The following ELAVL2 variants were observed in gnomAD, a reference collection of about 807,000 sequenced individuals.
ELAVL2 encodes the protein ELAV-like protein 2.
Under a neutral mutation model 34.6 loss-of-function variants are expected in ELAVL2, and 4 were observed. The ratio of observed to expected loss-of-function variants is 0.12; its 90% CI spans 0.06 to 0.26. The LOEUF (loss-of-function observed/expected upper bound fraction) is 0.26, where lower values mean the gene tolerates loss of function less well. ELAVL2 is among the 10% of genes least tolerant of loss of function. The pLI is 1.00. For synonymous variants in ELAVL2, 193 were observed against 154.8 expected (o/e 1.25, Z -1.83); for missense variants, 432 against 442.8 (o/e 0.98, Z 0.22).
At chr9:23,820,254 T>C (rs142330338) in intron 1 of ELAVL2, among the ~76,000 whole-genome samples, 53 of 152,358 alleles carry the variant, frequency 3.5e-4, no homozygotes, top group African/African-American at 1.2e-3. Flanking sequence ...TGGTTTTAAA[T>C]GGACTGATTC....
chr9:23,810,351 C>G (rs1374938333), intron 1 of ELAVL2, among the ~76,000 whole-genome samples: 1 of 151,974 alleles, frequency 6.6e-6, no homozygotes, highest in Non-Finnish European at 1.5e-5. Context: ...CCCTGAGGAA[C>G]AAGTTGTGGG....
At chr9:23,781,943 CA>C (rs952998032) in intron 1 of ELAVL2, among the ~76,000 whole-genome samples, 1 of 152,054 alleles carries the variant, frequency 6.6e-6, no homozygotes, top group Non-Finnish European at 1.5e-5. Context: ...CTCGGCCTCC[CA>C]AAGTGCTGGG....
At chr9:23,715,847 T>G (rs970322784) in intron 3 of ELAVL2, among the ~76,000 whole-genome samples, 48 of 152,096 alleles carry the variant, frequency 3.2e-4, no homozygotes, top group African/African-American at 1.2e-3. Flanking sequence ...TGCAGGTGTC[T>G]TAGAATAAAA....
At chr9:23,802,996 A>G (rs2137721737) in intron 1 of ELAVL2, among the ~76,000 whole-genome samples, 1 of 152,304 alleles carries the variant, frequency 6.6e-6, no homozygotes, top group East Asian at 1.9e-4. Context: ...CAATAATTTA[A>G]GTGTACAAAG....
At chr9:23,705,169 C>G in intron 3 of ELAVL2, 98 bp from the exon 4 acceptor site, 1 of 1,387,836 alleles carries the variant, frequency 7.2e-7, no homozygotes, top group Admixed American at 2.2e-5. Context: ...CCATGAACAG[C>G]ATAGAACACT....
At position 23,802,340 on chromosome 9, in the gene ELAVL2, C is replaced by T. The variant is rs141430184; in HGVS notation, c.-16+23466G>A. Among the ~76,000 whole-genome samples the T allele has an allele frequency of 6.0e-3, 918 of 152,286 alleles. 9 individuals carry two copies. Among genetic ancestry groups the T allele is most frequent in the Admixed American group, 0.036 (553 of 15,284 alleles). On this transcript the variant is annotated intron_variant, in intron 1 of 6. Transcript: ENST00000397312. ...ACTTCCAAACGCTAGCCCACAGCCT[C>T]AATTTTTAGACAGAGAAAGCAAGCC...
At chr9:23,719,946 C>T (rs2043243668) in intron 3 of ELAVL2, among the ~76,000 whole-genome samples, 2 of 151,786 alleles carry the variant, frequency 1.3e-5, no homozygotes, top group South Asian at 4.2e-4. Flanking sequence ...CTGCCTCAGC[C>T]TCCCCAGTAG....
chr9:23,716,791 G>A (rs988245273), intron 3 of ELAVL2, among the ~76,000 whole-genome samples: 6 of 152,196 alleles, frequency 3.9e-5, no homozygotes, highest in African/African-American at 1.2e-4. Context: ...AGAGGGCCAT[G>A]TAGGCAGAGA....
chr9:23,820,927 G>A (rs2064539425), intron 1 of ELAVL2, among the ~76,000 whole-genome samples: 2 of 152,146 alleles, frequency 1.3e-5, no homozygotes, highest in South Asian at 2.1e-4. Context: ...GGCTGCGACG[G>A]GCCTCACCTA....
At position 23,749,247 on chromosome 9, in the gene ELAVL2, C is replaced by T. The variant is rs117701580; in HGVS notation, c.229+12759G>A. ...TAATTCTGGGTGGTCATCTAACATA[C>T]TATCATTAATGCACAATCCAGGATT... On this transcript the variant is annotated intron_variant, in intron 2 of 6. Coordinates refer to ENST00000397312, the MANE Select transcript of ELAVL2 (RefSeq NM_004432.5). 4.7e-3 allele frequency among the ~76,000 whole-genome samples: 713 copies of T among 152,134 alleles called. 6 individuals are homozygous for T. Among genetic ancestry groups the T allele is most frequent in the Middle Eastern group, 0.01 (3 of 294 alleles).
intron 2 of ELAVL2, among the ~76,000 whole-genome samples, chr9:23,750,258 T>A (rs1452419965): frequency 6.6e-6 from 1 of 152,098 alleles, no homozygotes; most frequent in Non-Finnish European, 1.5e-5. Flanking sequence ...GAGCTGGGGA[T>A]ATAATGGAAT....
intron 1 of ELAVL2, among the ~76,000 whole-genome samples, chr9:23,824,698 C>A (rs983233770): frequency 6.6e-6 from 1 of 152,226 alleles, no homozygotes; most frequent in Non-Finnish European, 1.5e-5. Flanking sequence ...CCTGGATCCT[C>A]TCTTTGGCAG....
chr9:23,767,720 C>T (rs1012582020), intron 1 of ELAVL2, among the ~76,000 whole-genome samples: 1 of 152,142 alleles, frequency 6.6e-6, no homozygotes, highest in African/African-American at 2.4e-5. Flanking sequence ...TTGCAGTCAG[C>T]AGAGATCACA....
chr9:23,759,105 G>T (rs1030785580), intron 2 of ELAVL2, among the ~76,000 whole-genome samples: 26 of 151,942 alleles, frequency 1.7e-4, no homozygotes, highest in African/African-American at 6.3e-4. Context: ...TGTCAAAAGG[G>T]ATGCACGCAT....
chr9:23,720,362 A>G (rs2043361903), intron 3 of ELAVL2, among the ~76,000 whole-genome samples: 1 of 150,698 alleles, frequency 6.6e-6, no homozygotes, highest in African/African-American at 2.4e-5. Flanking sequence ...TTTAGTAGAG[A>G]TGGGGTTTCG....
chr9:23,796,217 G>C (rs1372761458), intron 1 of ELAVL2, among the ~76,000 whole-genome samples: 1 of 152,180 alleles, frequency 6.6e-6, no homozygotes. Context: ...TCAAGCCCTG[G>C]TTATGGGGCT....
chr9:23,710,375 A>G (rs16907625), intron 3 of ELAVL2, among the ~76,000 whole-genome samples: 7,370 of 152,322 alleles, frequency 0.048, 566 homozygotes, highest in African/African-American at 0.17. Flanking sequence ...CATCACTATC[A>G]GAAGTCCCTC....
At chr9:23,846,641 C>G in the ELAVL2 span, among the ~76,000 whole-genome samples, 3 of 151,856 alleles carry the variant, frequency 2.0e-5, no homozygotes, top group East Asian at 5.8e-4. Flanking sequence ...GTTTTTGGAA[C>G]AGAATTGAGA....
chr9:23,821,159 T>C (rs1487588963), intron 1 of ELAVL2: 5 of 152,816 alleles, frequency 3.3e-5, no homozygotes, highest in East Asian at 1.9e-4. Flanking sequence ...GGGTTGCCAG[T>C]GCAACACAGG....
Sources: gnomAD v4.1 joint callset for allele counts (sites outside exome capture counted in the v4.1 genomes callset) on GRCh38, gnomAD v4.1.1 for gene constraint, MANE v1.5 for transcripts, NCBI Gene and HGNC (gene_info 2026-07-23, HGNC 2026-07-21) for gene names.